SPMAP2L: variants seen among roughly 807,000 people sequenced by gnomAD.
SPMAP2L encodes sperm microtubule associated protein 2 like, also known as sperm microtubule associated protein 2-like.
the SPMAP2L span, among the ~76,000 whole-genome samples, chr4:56,554,872 A>G: frequency 6.6e-6 from 1 of 151,150 alleles, no homozygotes; most frequent in South Asian, 2.1e-4. Flanking sequence ...CTGTGTCTAG[A>G]TTATTTATTT....
chr4:56,607,995 G>GA, the SPMAP2L span, among the ~76,000 whole-genome samples: 3,519 of 72,302 alleles, frequency 0.049, 89 homozygotes, highest in African/African-American at 0.098. Flanking sequence ...CCTGTCTCAA[G>GA]AAAAAAAAAA....
chr4:56,569,722 A>G, the SPMAP2L span, among the ~76,000 whole-genome samples: 1 of 152,072 alleles, frequency 6.6e-6, no homozygotes, highest in Non-Finnish European at 1.5e-5. Context: ...TGGGAGGATC[A>G]CTTGAGCCTG....
the SPMAP2L span, chr4:56,595,582 T>A: frequency 2.9e-6 from 4 of 1,363,714 alleles, no homozygotes; most frequent in Non-Finnish European, 3.2e-6. Flanking sequence ...CCACTCCCCT[T>A]CGTGAAACCA....
the SPMAP2L span, among the ~76,000 whole-genome samples, chr4:56,597,194 T>A: frequency 6.6e-6 from 1 of 152,164 alleles, no homozygotes; most frequent in East Asian, 1.9e-4. Context: ...TAGAAGAATA[T>A]TCCAGTAAAG....
the SPMAP2L span, among the ~76,000 whole-genome samples, chr4:56,598,699 G>T: frequency 3.3e-5 from 5 of 151,834 alleles, no homozygotes; most frequent in African/African-American, 9.7e-5. Context: ...GAGAGGAGGG[G>T]AGGAAGATGA....
the SPMAP2L span, chr4:56,531,297 A>T: frequency 7.7e-7 from 1 of 1,297,678 alleles, no homozygotes; most frequent in East Asian, 2.6e-5. Context: ...AGAGCTTGCC[A>T]TATTGAAAAG....
the SPMAP2L span, among the ~76,000 whole-genome samples, chr4:56,603,667 T>C: frequency 2.0e-5 from 3 of 152,176 alleles, no homozygotes; most frequent in African/African-American, 7.2e-5. Flanking sequence ...GCTTTTCCTT[T>C]CCCAGTGAGT....
At chr4:56,596,214 G>GT in the SPMAP2L span, among the ~76,000 whole-genome samples, 14 of 151,896 alleles carry the variant, frequency 9.2e-5, no homozygotes, top group Non-Finnish European at 1.5e-4. Context: ...TCTGTGTGAG[G>GT]TTTTTTTTAT....
the SPMAP2L span, among the ~76,000 whole-genome samples, chr4:56,555,941 T>C: frequency 6.6e-6 from 1 of 152,180 alleles, no homozygotes; most frequent in Admixed American, 6.5e-5. Context: ...TATACACTGA[T>C]AAGAGAGATG....
At chr4:56,621,145 C>A in the SPMAP2L span, among the ~76,000 whole-genome samples, 1 of 152,166 alleles carries the variant, frequency 6.6e-6, no homozygotes, top group African/African-American at 2.4e-5. Flanking sequence ...ATGAATAAGG[C>A]AAATTATTAC....
At chr4:56,533,069 TG>T in the SPMAP2L span, among the ~76,000 whole-genome samples, 1 of 152,022 alleles carries the variant, frequency 6.6e-6, no homozygotes, top group African/African-American at 2.4e-5. Flanking sequence ...TTATATTCCA[TG>T]GACCAACAAT....
chr4:56,623,693 T>C, the SPMAP2L span, among the ~76,000 whole-genome samples: 1 of 152,152 alleles, frequency 6.6e-6, no homozygotes, highest in Non-Finnish European at 1.5e-5. Context: ...GATGGGTTTA[T>C]TGGGGGTCTC....
chr4:56,597,215 A>G, the SPMAP2L span, among the ~76,000 whole-genome samples: 1 of 152,194 alleles, frequency 6.6e-6, no homozygotes, highest in Non-Finnish European at 1.5e-5. Context: ...GGAAGAGTAC[A>G]TGCCAAAGTA....
chr4:56,557,798 G>A, the SPMAP2L span: 2 of 152,120 alleles, frequency 1.3e-5, no homozygotes, highest in African/African-American at 4.8e-5. Flanking sequence ...TCCTGGATAT[G>A]GACCATAGAA....
the SPMAP2L span, among the ~76,000 whole-genome samples, chr4:56,609,149 A>G: frequency 6.7e-6 from 1 of 149,320 alleles, no homozygotes; most frequent in African/African-American, 2.5e-5. Flanking sequence ...TCCCGGGTTC[A>G]AGTGTTTCTC....
the SPMAP2L span, among the ~76,000 whole-genome samples, chr4:56,560,139 A>G: frequency 2.0e-5 from 3 of 152,232 alleles, no homozygotes; most frequent in African/African-American, 4.8e-5. Flanking sequence ...TCTTCAAGAT[A>G]TCTTTGAAGA....
chr4:56,580,722 T>G, the SPMAP2L span, among the ~76,000 whole-genome samples: 1 of 152,098 alleles, frequency 6.6e-6, no homozygotes, highest in South Asian at 2.1e-4. Flanking sequence ...TGACGTGATC[T>G]TGTATGCAGA....
the SPMAP2L span, among the ~76,000 whole-genome samples, chr4:56,588,336 A>G: frequency 2.0e-5 from 3 of 151,672 alleles, no homozygotes; most frequent in African/African-American, 7.3e-5. Context: ...TCAGCTATTT[A>G]TCTTTGTTTT....
At chr4:56,587,071 C>T in the SPMAP2L span, among the ~76,000 whole-genome samples, 1 of 151,974 alleles carries the variant, frequency 6.6e-6, no homozygotes, top group Non-Finnish European at 1.5e-5. Flanking sequence ...TTAAGTTTGG[C>T]TTGCAAGTTT....
Sources: allele counts gnomAD v4.1 joint callset (sites outside exome capture counted in the v4.1 genomes callset), GRCh38; gene constraint gnomAD v4.1.1; transcripts MANE v1.5; gene names NCBI Gene and HGNC (gene_info 2026-07-23, HGNC 2026-07-21).